LRBA: variants seen among roughly 807,000 people sequenced by gnomAD.
The protein encoded by LRBA is LPS responsive beige-like anchor protein.
Under a neutral mutation model 330.0 loss-of-function variants are expected in LRBA, and 176 were observed. The observed-to-expected ratio is 0.53, with a 90% CI of 0.47 to 0.60. The LOEUF (loss-of-function observed/expected upper bound fraction) is 0.60, where lower values mean the gene tolerates loss of function less well. LRBA is among the 20% of genes least tolerant of loss of function. The pLI is 0.00. For synonymous variants in LRBA, 1,230 were observed against 1,193.0 expected (o/e 1.03, Z -0.64); for missense variants, 3,259 against 3,444.8 (o/e 0.95, Z 1.35).
intron 34 of LRBA, among the ~76,000 whole-genome samples, chr4:150,777,888 C>T (rs1209173925): frequency 7.0e-6 from 1 of 142,954 alleles, no homozygotes; most frequent in Non-Finnish European, 1.5e-5. Flanking sequence ...GCAGGAGAAT[C>T]GCTTGAACCC....
intron 2 of LRBA, among the ~76,000 whole-genome samples, chr4:150,981,088 T>C (rs1740776228): frequency 6.6e-6 from 1 of 150,892 alleles, no homozygotes; most frequent in Non-Finnish European, 1.5e-5. Flanking sequence ...CCTATCAAAA[T>C]ACTAATGACA....
rs148699393 is a variant in LRBA, at chr4:150,599,112, G to A, written c.5941C>T (p.Arg1981Cys). The A allele has an allele frequency of 7.4e-5, 119 of 1,614,000 alleles. No individual in the cohort carries two copies. In the African/African-American group the frequency reaches 8.9e-4, roughly 12 times the overall value. Reference protein sequence around the residue: ...SAVSRPLEFWRLDYWEDDLRR... With the variant: ...SAVSRPLEFWCLDYWEDDLRR... Reference sequence around the variant, plus strand: ...AAGTCATCTTCCCAGTAGTCAAGGCGCCAGAACTCAAGAGGACGACTACAA... The same window carrying A: ...AAGTCATCTTCCCAGTAGTCAAGGCACCAGAACTCAAGAGGACGACTACAA... Residue 1981 changes from arginine to cysteine, a missense_variant, in exon 38 of 57, where the codon CGC becomes TGC. Arg to Cys is a radical substitution (Grantham distance 180, BLOSUM62 -3). Transcript: ENST00000651943.
At chr4:150,333,614 T>C (rs10007294) in intron 48 of LRBA, among the ~76,000 whole-genome samples, 8,564 of 152,198 alleles carry the variant, frequency 0.056, 393 homozygotes, top group East Asian at 0.18. Flanking sequence ...ATCATACCAT[T>C]ACTTGTGCCA....
chr4:150,630,050 A>G (rs1227052737), intron 37 of LRBA, among the ~76,000 whole-genome samples: 1 of 152,184 alleles, frequency 6.6e-6, no homozygotes, highest in Non-Finnish European at 1.5e-5. Flanking sequence ...ATGTTGACAC[A>G]GTTATCCACA....
intron 42 of LRBA, among the ~76,000 whole-genome samples, chr4:150,474,986 T>A (rs1313054230): frequency 6.6e-6 from 1 of 152,182 alleles, no homozygotes; most frequent in Non-Finnish European, 1.5e-5. Flanking sequence ...ACTTGAGAGT[T>A]TTTAATCATG....
At chr4:150,304,793 C>T (rs567857054) in intron 52 of LRBA, among the ~76,000 whole-genome samples, 8 of 152,146 alleles carry the variant, frequency 5.3e-5, no homozygotes, top group African/African-American at 1.2e-4. Context: ...TCAGATTACA[C>T]GCAGGCCTTA....
chr4:150,527,931 T>A (rs1218795678), intron 40 of LRBA, among the ~76,000 whole-genome samples: 1 of 152,234 alleles, frequency 6.6e-6, no homozygotes, highest in Non-Finnish European at 1.5e-5. Flanking sequence ...ACTATCACAT[T>A]TCTTGAAATC....
chr4:150,548,453 A>C (rs922552630), intron 40 of LRBA, among the ~76,000 whole-genome samples: 12 of 152,168 alleles, frequency 7.9e-5, no homozygotes, highest in African/African-American at 2.9e-4. Context: ...CCAACTCTAA[A>C]TTAATCTCGC....
intron 48 of LRBA, among the ~76,000 whole-genome samples, chr4:150,344,953 C>A (rs1360332696): frequency 6.6e-6 from 1 of 152,190 alleles, no homozygotes; most frequent in Non-Finnish European, 1.5e-5. Context: ...ATACCATATT[C>A]TCTAGCCATC....
intron 2 of LRBA, among the ~76,000 whole-genome samples, chr4:150,992,423 T>C (rs537981263): frequency 5.3e-4 from 81 of 151,802 alleles, no homozygotes; most frequent in Non-Finnish European, 1.0e-3. Flanking sequence ...AAAGGCAAGA[T>C]TAGCCATGTG....
chr4:150,672,202 A>G (rs1165923732), intron 37 of LRBA, among the ~76,000 whole-genome samples: 1 of 152,178 alleles, frequency 6.6e-6, no homozygotes, highest in Non-Finnish European at 1.5e-5. Context: ...CAGACCAATT[A>G]AATCAGAATC....
intron 36 of LRBA, among the ~76,000 whole-genome samples, chr4:150,727,050 T>G (rs1043378021): frequency 6.7e-6 from 1 of 149,516 alleles, no homozygotes; most frequent in African/African-American, 2.4e-5. Context: ...CTAAAGTTAT[T>G]TACAGAACAT....
intron 47 of LRBA, among the ~76,000 whole-genome samples, chr4:150,398,525 T>C (rs139729808): frequency 8.5e-4 from 130 of 152,344 alleles, no homozygotes; most frequent in Middle Eastern, 3.4e-3. Flanking sequence ...TTCTGAATAA[T>C]TAATGTATTT....
chr4:150,434,548 A>AT, intron 46 of LRBA, among the ~76,000 whole-genome samples: 1 of 152,248 alleles, frequency 6.6e-6, no homozygotes, highest in Non-Finnish European at 1.5e-5. Flanking sequence ...GACTATAGTA[A>AT]TTTTGTTCAC....
rs1269957291 is a variant in LRBA, at chr4:150,852,416, A to C, written c.3294T>G (p.Asp1098Glu). 4 of 1,613,472 alleles carry C rather than the reference A, an allele frequency of 2.5e-6. No individual in the cohort carries two copies. Reference sequence around the variant, plus strand: ...CTTCCTCTTCCTCTACTATAGATTTATCCAAGAATTCTGGCATCTCTGAGG... The same window carrying C: ...CTTCCTCTTCCTCTACTATAGATTTCTCCAAGAATTCTGGCATCTCTGAGG... ...EDASEMPEFL[D>E]KSIVEEEEDD... Residue 1098 changes from aspartate (D) to glutamate (E), a missense_variant, in exon 23 of 57, where the codon GAT (aspartate) becomes GAG (glutamate). By Grantham distance (45) the Asp-to-Glu change is conservative. Coordinates refer to ENST00000651943, the MANE Select transcript of LRBA (RefSeq NM_001364905.1).
Position 150,905,879 on chromosome 4 carries a change from C to A in LRBA, c.1714G>T (p.Val572Phe). Residue 572 changes from valine to phenylalanine, a missense_variant, in exon 13 of 57, where the codon GTT becomes TTT. Physicochemically the swap from Val to Phe is conservative, Grantham distance 50. Transcript: ENST00000651943. ...MPLLKQLCDH[V>F]LLNPAIWIHT... is the part of the protein sequence containing the mutation. ...ATCCATATGGCAGGATTAAGAAGAA[C>A]GTGATCACACAATTGCTTGAGCAGG... is the stretch of plus-strand genomic sequence containing the variant. The A allele has an allele frequency of 6.2e-7, 1 of 1,613,544 alleles. No homozygotes were observed. The highest frequency in any genetic ancestry group is 8.5e-7 in the Non-Finnish European group (1 of 1,179,642).
intron 40 of LRBA, among the ~76,000 whole-genome samples, chr4:150,573,415 T>C (rs1377926840): frequency 6.6e-6 from 1 of 152,204 alleles, no homozygotes; most frequent in Non-Finnish European, 1.5e-5. Context: ...ACAACTCCTT[T>C]TGGTCACCTG....
chr4:150,308,695 T>G (rs34617103), intron 52 of LRBA, among the ~76,000 whole-genome samples: 2,750 of 152,216 alleles, frequency 0.018, 39 homozygotes, highest in Middle Eastern at 0.034. Flanking sequence ...CCTGACCCTA[T>G]GGAGGCTTAG....
chr4:150,822,143 A>T (rs1745531128), intron 30 of LRBA, among the ~76,000 whole-genome samples: 1 of 152,204 alleles, frequency 6.6e-6, no homozygotes, highest in Non-Finnish European at 1.5e-5. Context: ...GAGACTGTTA[A>T]ATGAATACTA....
Sources: allele counts gnomAD v4.1 joint callset (sites outside exome capture counted in the v4.1 genomes callset), GRCh38; gene constraint gnomAD v4.1.1; transcripts MANE v1.5; gene names NCBI Gene and HGNC (gene_info 2026-07-23, HGNC 2026-07-21).